The following WDR7 variants were observed in gnomAD, a reference collection of about 807,000 sequenced individuals.
The protein encoded by WDR7 is WD repeat-containing protein 7.
WDR7 carries 46 observed loss-of-function variants against 169.4 expected under a neutral mutation model. The observed-to-expected ratio is 0.27, with a 90% confidence interval of 0.21 to 0.35. The LOEUF (loss-of-function observed/expected upper bound fraction) is 0.35. Among genes scored for constraint, WDR7 ranks in the 10% least tolerant of loss-of-function variants. WDR7 has a pLI of 1.00. For missense variants in WDR7, 1,534 were observed against 1,859.3 expected, an observed-to-expected ratio of 0.83 and a Z score of 3.22; for synonymous variants, 612 against 666.8, an observed-to-expected ratio of 0.92 and a Z score of 1.27.
At chr18:56,729,847 C>T (rs2026543997) in intron 13 of WDR7, among the ~76,000 whole-genome samples, 1 of 152,096 alleles carries the variant, frequency 6.6e-6, no homozygotes, top group African/African-American at 2.4e-5. Flanking sequence ...AAGTGTATTA[C>T]CAGTTTTCTT....
intron 9 of WDR7, 54 bp from the exon 10 acceptor site, chr18:56,694,565 G>A (rs1390145149): frequency 1.3e-6 from 2 of 1,534,892 alleles, no homozygotes; most frequent in Non-Finnish European, 1.8e-6. Context: ...ATTAATGTGT[G>A]AAATATTTTG....
chr18:56,876,963 A>T (rs2046031859), intron 20 of WDR7, among the ~76,000 whole-genome samples: 1 of 152,198 alleles, frequency 6.6e-6, no homozygotes, highest in South Asian at 2.1e-4. Flanking sequence ...CAGGAAGATC[A>T]CTTGTGGCCA....
At chr18:56,727,223 C>T (rs971476879) in intron 13 of WDR7, among the ~76,000 whole-genome samples, 1 of 152,148 alleles carries the variant, frequency 6.6e-6, no homozygotes, top group South Asian at 2.1e-4. Context: ...GTTCCTATTA[C>T]TCCATCTTGG....
chr18:56,694,858 G>A, intron 10 of WDR7, 92 bp from the exon 11 acceptor site: 8 of 1,533,520 alleles, frequency 5.2e-6, no homozygotes, highest in Non-Finnish European at 7.0e-6. Flanking sequence ...CATTTTCTTT[G>A]ATTACTGGAT....
At chr18:57,018,236 C>T (rs933860747) in intron 26 of WDR7, among the ~76,000 whole-genome samples, 4 of 152,238 alleles carry the variant, frequency 2.6e-5, no homozygotes, top group African/African-American at 7.2e-5. Context: ...TCCACCTCTA[C>T]ACAGAGTTGG....
In WDR7 at chr18:56,757,284, G is replaced by A; in HGVS notation, c.2691G>A (p.Leu897=). ...TTQHLLSIIS[L]ANTLMSMTNA... ...AGCATCTCCTGTCTATCATTTCTTTGGCAAATACTTTAATGAGTATGACCA... is the reference window on the plus strand; with the variant it reads ...AGCATCTCCTGTCTATCATTTCTTTAGCAAATACTTTAATGAGTATGACCA... Residue 897 remains leucine (L), a synonymous_variant, in exon 15 of 28, where the codon TTG becomes TTA. Transcript: ENST00000254442. 1 of 1,614,032 alleles carries A rather than the reference G, an allele frequency of 6.2e-7. No homozygotes were observed. The highest frequency in any genetic ancestry group is 1.1e-5 in the South Asian group (1 of 91,064).
Position 56,935,924 on chromosome 18 carries a change from T to G in WDR7, c.3831+19T>G. 1 of 1,596,478 alleles carries G rather than the reference T, an allele frequency of 6.3e-7. No homozygotes were observed. Among genetic ancestry groups the G allele is most frequent in the Non-Finnish European group, 8.6e-7 (1 of 1,167,868 alleles). ...CAAAGAGGTGAGCGGAACTTCTCAG[T>G]GTGCTCCATCTTCTCATTTAGAGGA... On this transcript the variant is annotated intron_variant, in intron 23 of 27. Coordinates refer to ENST00000254442, the MANE Select transcript of WDR7 (RefSeq NM_015285.3).
rs1017380949 is a variant in WDR7, at chr18:57,028,758, A to T, written c.*1551A>T. On this transcript the variant is annotated 3_prime_UTR_variant, in exon 28 of 28. Transcript: ENST00000254442. ...ATTAAGAAATTAAGACCATTAGATC[A>T]TCTCTTTCATAATGATATGATGTTA... 1 of 152,662 alleles carries T rather than the reference A, an allele frequency of 6.6e-6. No homozygotes were observed. The highest frequency in any genetic ancestry group is 2.4e-5 in the African/African-American group (1 of 41,460). The allele number at this position is 152,662 out of a possible 1,614,324, so 9.5% of individuals were successfully genotyped here.
intron 25 of WDR7, among the ~76,000 whole-genome samples, chr18:56,954,668 A>G (rs1163996040): frequency 1.3e-5 from 2 of 152,140 alleles, no homozygotes; most frequent in East Asian, 1.9e-4. Context: ...TCTATGATAA[A>G]TCATCTGTGT....
chr18:56,963,054 T>G (rs2047358645), intron 26 of WDR7, among the ~76,000 whole-genome samples: 1 of 152,204 alleles, frequency 6.6e-6, no homozygotes, highest in Non-Finnish European at 1.5e-5. Flanking sequence ...CTTTATGCTT[T>G]TATAACACTT....
At chr18:56,745,875 C>T (rs750399975) in intron 14 of WDR7, among the ~76,000 whole-genome samples, 7 of 152,114 alleles carry the variant, frequency 4.6e-5, no homozygotes, top group Non-Finnish European at 1.0e-4. Context: ...TTTTACATCC[C>T]ATAAAGAAGC....
At chr18:56,999,930 G>A (rs2047951840) in intron 26 of WDR7, among the ~76,000 whole-genome samples, 1 of 152,062 alleles carries the variant, frequency 6.6e-6, no homozygotes, top group African/African-American at 2.4e-5. Flanking sequence ...AGCTTCTCCT[G>A]TCAACAAAAT....
chr18:56,826,577 G>C (rs1419541554), intron 20 of WDR7, among the ~76,000 whole-genome samples: 1 of 152,162 alleles, frequency 6.6e-6, no homozygotes, highest in African/African-American at 2.4e-5. Flanking sequence ...TATTTGAAGT[G>C]AAGATAGCCA....
At chr18:56,690,342 G>A (rs1044662947) in intron 7 of WDR7, among the ~76,000 whole-genome samples, 1 of 152,102 alleles carries the variant, frequency 6.6e-6, no homozygotes, top group Non-Finnish European at 1.5e-5. Context: ...AGCCCTATAA[G>A]GTTAGTAGCC....
At chr18:56,950,908 C>T (rs78164614) in intron 25 of WDR7, among the ~76,000 whole-genome samples, 8,268 of 152,224 alleles carry the variant, frequency 0.054, 725 homozygotes, top group African/African-American at 0.19. Context: ...TTATAGATGA[C>T]GTCCTCTTAA....
At chr18:56,705,818 G>A (rs1489005648) in intron 12 of WDR7, among the ~76,000 whole-genome samples, 2 of 152,182 alleles carry the variant, frequency 1.3e-5, no homozygotes, top group African/African-American at 4.8e-5. Flanking sequence ...CCAACATGGT[G>A]AAACCCCATC....
chr18:56,904,092 T>C (rs1214327227), intron 21 of WDR7, among the ~76,000 whole-genome samples: 2 of 150,274 alleles, frequency 1.3e-5, no homozygotes, highest in African/African-American at 4.9e-5. Flanking sequence ...TTTTTTGAGA[T>C]GGAGTCTTTC....
At chr18:56,748,111 A>G (rs1377162256) in intron 14 of WDR7, among the ~76,000 whole-genome samples, 1 of 152,168 alleles carries the variant, frequency 6.6e-6, no homozygotes, top group Non-Finnish European at 1.5e-5. Context: ...TATCTTTGAT[A>G]CATTCATTTG....
chr18:56,924,246 T>A, intron 22 of WDR7, 138 bp downstream of exon 22: 1 of 1,004,366 alleles, frequency 1.0e-6, no homozygotes, highest in Non-Finnish European at 1.4e-6. Context: ...ATATGTGAAG[T>A]TTTGAATATG....
Sources: gnomAD v4.1 joint callset for allele counts (sites outside exome capture counted in the v4.1 genomes callset) on GRCh38, gnomAD v4.1.1 for gene constraint, MANE v1.5 for transcripts, NCBI Gene and HGNC (gene_info 2026-07-23, HGNC 2026-07-21) for gene names.